Variants in PGM5 observed in about 807,000 individuals in gnomAD.
PGM5 encodes the protein phosphoglucomutase 5.
A neutral mutation model predicts 59.2 loss-of-function variants in PGM5; 23 were observed. The ratio of observed to expected loss-of-function variants is 0.39; its 90% CI spans 0.28 to 0.55. The LOEUF is 0.55. PGM5 is among the 20% of genes least tolerant of loss of function. The probability of loss-of-function intolerance (pLI) is 0.66; values close to 1 mark genes in which losing one functional copy is unlikely to be tolerated. For missense variants in PGM5, 574 were observed against 748.3 expected, an observed-to-expected ratio of 0.77 and a Z score of 2.72; for synonymous variants, 214 against 286.0, an observed-to-expected ratio of 0.75 and a Z score of 2.54.
At position 68,459,741 on chromosome 9, in the gene PGM5, A is replaced by T. The variant is rs80024300; in HGVS notation, c.1044-5352A>T. On this transcript the variant is annotated intron_variant, in intron 6 of 10. Coordinates refer to ENST00000396396, the MANE Select transcript of PGM5 (RefSeq NM_021965.4). Reference sequence around the variant, plus strand: ...TGTGGTTTTAATTTGCATTTCCCTGATCTCTAGTGATGTTGCATTTCCCTG... The same window carrying T: ...TGTGGTTTTAATTTGCATTTCCCTGTTCTCTAGTGATGTTGCATTTCCCTG... 9.1e-3 allele frequency among the ~76,000 whole-genome samples: 1,382 copies of T among 151,356 alleles called. 17 individuals carry two copies. The highest frequency in any genetic ancestry group is 0.032 in the African/African-American group (1,341 of 41,444).
chr9:68,381,767 G>A (rs1467327318), intron 2 of PGM5, among the ~76,000 whole-genome samples: 3 of 151,348 alleles, frequency 2.0e-5, no homozygotes, highest in African/African-American at 7.3e-5. Flanking sequence ...TAATGACCCA[G>A]CTGAAAATAA....
At position 68,483,886 on chromosome 9, in the gene PGM5, T is replaced by C; in HGVS notation, c.1317T>C (p.Asp439=). The part of the protein sequence containing the change: ...YYCRFDYEGL[D]PKTTYYIMRD... ...CCAGGTTTGACTATGAGGGGTTGGA[T>C]CCCAAGACGACATATTATATCATGA... Residue 439 remains aspartate (D), a synonymous_variant, in exon 9 of 11, where the codon GAT becomes GAC. Transcript: ENST00000396396. The C allele has an allele frequency of 6.2e-7, 1 of 1,614,068 alleles. No homozygotes were observed.
rs1554678967 is a variant in PGM5, at chr9:68,387,550, C to A, written c.659C>A (p.Pro220His). The part of the protein sequence containing the change: ...FHAIKGLLTG[P>H]SQLKIRIDAM... ...GCCATCAAGGGTTTGCTGACTGGACCCAGCCAACTGAAGATTCGCATTGAC... is the reference window on the plus strand; with the variant it reads ...GCCATCAAGGGTTTGCTGACTGGACACAGCCAACTGAAGATTCGCATTGAC... The change falls in exon 4 of 11, where the codon CCC becomes CAC. Residue 220 changes from proline (P) to histidine (H), a missense_variant. By Grantham distance (77) the Pro-to-His change is moderately conservative (BLOSUM62 -2). This residue lies in a region of PGM5 where 103 missense variants were observed against 112.4 expected (regional missense o/e 0.92). Transcript: ENST00000396396. 6.2e-7 allele frequency: 1 copy of A among 1,612,166 alleles called. No individual in the cohort carries two copies. The highest frequency in any genetic ancestry group is 8.5e-7 in the Non-Finnish European group (1 of 1,178,632).
At position 68,510,393 on chromosome 9, in the gene PGM5, C is replaced by T. The variant is rs576612810; in HGVS notation, c.1614+11032C>T. On this transcript the variant is annotated intron_variant, in intron 10 of 10. Transcript: ENST00000396396. ...GTCTCGATCTCCTGACCTCGTGATC[C>T]GCCCACCTCAGCCTCCCAAAGTGCT... Among the ~76,000 whole-genome samples, 4 of 152,086 alleles carry T rather than the reference C, an allele frequency of 2.6e-5. No homozygotes were observed. The South Asian group carries it at 6.2e-4, about 24-fold the overall frequency.
chr9:68,417,551 A>G (rs1564000017), intron 6 of PGM5, among the ~76,000 whole-genome samples: 1 of 152,182 alleles, frequency 6.6e-6, no homozygotes, highest in Non-Finnish European at 1.5e-5. Flanking sequence ...GGTGATATTC[A>G]AAATATAGGA....
At chr9:68,423,944 C>A (rs1554682552) in intron 6 of PGM5, among the ~76,000 whole-genome samples, 1 of 152,136 alleles carries the variant, frequency 6.6e-6, no homozygotes, top group Admixed American at 6.6e-5. Flanking sequence ...TTTGAGGAGG[C>A]TGAGTTTTAC....
At chr9:68,522,870 T>C (rs1376678118) in intron 10 of PGM5, among the ~76,000 whole-genome samples, 2 of 152,164 alleles carry the variant, frequency 1.3e-5, no homozygotes, top group African/African-American at 4.8e-5. Flanking sequence ...ATTATTTCCT[T>C]CTGCTCTCTT....
At chr9:68,357,552 G>C (rs1351134635) in intron 1 of PGM5, among the ~76,000 whole-genome samples, 164 bp downstream of exon 1, 1 of 152,166 alleles carries the variant, frequency 6.6e-6, no homozygotes, top group Non-Finnish European at 1.5e-5. Flanking sequence ...CTCCCGCCGC[G>C]CTCGCAGCCT....
intron 9 of PGM5, among the ~76,000 whole-genome samples, chr9:68,487,049 A>G (rs1462933659): frequency 1.3e-5 from 2 of 152,220 alleles, no homozygotes; most frequent in Non-Finnish European, 2.9e-5. Flanking sequence ...GAGAAACAGA[A>G]CTATATCTCT....
At chr9:68,447,869 A>G (rs994185532) in intron 6 of PGM5, among the ~76,000 whole-genome samples, 11 of 152,194 alleles carry the variant, frequency 7.2e-5, no homozygotes, top group African/African-American at 2.7e-4. Context: ...CTTTGGACAA[A>G]CTATTTAATC....
intron 1 of PGM5, among the ~76,000 whole-genome samples, chr9:68,375,713 G>A (rs3953669): frequency 0.31 from 46,824 of 151,942 alleles, 7,390 homozygotes; most frequent in Admixed American, 0.36. Flanking sequence ...AATGTTAAAG[G>A]CAATATATGT....
intron 1 of PGM5, among the ~76,000 whole-genome samples, chr9:68,369,945 A>T (rs1554677038): frequency 6.6e-6 from 1 of 152,116 alleles, no homozygotes; most frequent in African/African-American, 2.4e-5. Flanking sequence ...AATTGCCCTT[A>T]TCCGTCACCT....
At chr9:68,370,054 G>A (rs75686321) in intron 1 of PGM5, among the ~76,000 whole-genome samples, 11,178 of 142,826 alleles carry the variant, frequency 0.078, 501 homozygotes, top group Middle Eastern at 0.22. Flanking sequence ...GTTTTTAACC[G>A]AGAAGACAGG....
At chr9:68,372,317 G>A (rs1360031424) in intron 1 of PGM5, among the ~76,000 whole-genome samples, 1 of 150,734 alleles carries the variant, frequency 6.6e-6, no homozygotes. Flanking sequence ...TACATTCCTT[G>A]GCTTCCCGGG....
intron 6 of PGM5, among the ~76,000 whole-genome samples, chr9:68,438,184 G>T (rs944276021): frequency 2.1e-4 from 32 of 151,064 alleles, no homozygotes; most frequent in Admixed American, 2.1e-3. Context: ...AGCTACTCGG[G>T]AGGCTGAGGC....
intron 6 of PGM5, among the ~76,000 whole-genome samples, chr9:68,431,089 C>A (rs1356174686): frequency 6.6e-6 from 1 of 152,156 alleles, no homozygotes; most frequent in Non-Finnish European, 1.5e-5. Context: ...CAACCAAAAG[C>A]AAATGAAACT....
chr9:68,386,374 T>C (rs1231077964), intron 3 of PGM5, among the ~76,000 whole-genome samples: 1 of 152,166 alleles, frequency 6.6e-6, no homozygotes, highest in Non-Finnish European at 1.5e-5. Context: ...AAAGTATCCA[T>C]GTTACAAATA....
At chr9:68,492,658 G>A (rs1824411840) in intron 9 of PGM5, among the ~76,000 whole-genome samples, 1 of 152,312 alleles carries the variant, frequency 6.6e-6, no homozygotes, top group South Asian at 2.1e-4. Flanking sequence ...CATGCTGGGG[G>A]TAGAGGGGGG....
chr9:68,457,644 G>A (rs1363849032), intron 6 of PGM5, among the ~76,000 whole-genome samples: 4 of 152,184 alleles, frequency 2.6e-5, no homozygotes, highest in African/African-American at 9.6e-5. Flanking sequence ...ATTGGATATA[G>A]AAAAGAGAAC....
Sources: allele counts gnomAD v4.1 joint callset (sites outside exome capture counted in the v4.1 genomes callset), GRCh38; gene constraint gnomAD v4.1.1; regional missense constraint gnomAD v4.1.1; transcripts MANE v1.5; gene names NCBI Gene and HGNC (gene_info 2026-07-23, HGNC 2026-07-21).